Variants in UNC5D observed in about 807,000 individuals in gnomAD.
The protein encoded by UNC5D is unc-5 netrin receptor D, also known as netrin receptor UNC5D.
Under a neutral mutation model 105.4 loss-of-function variants are expected in UNC5D, and 39 were observed. The observed-to-expected ratio is 0.37, with a 90% CI of 0.29 to 0.48. The LOEUF (loss-of-function observed/expected upper bound fraction) is 0.48. Among genes scored for constraint, UNC5D ranks in the 20% least tolerant of loss-of-function variants. The pLI is 0.98. For synonymous variants in UNC5D, 452 were observed against 450.4 expected (o/e 1.00, Z -0.04); for missense variants, 991 against 1,202.4 (o/e 0.82, Z 2.60).
intron 4 of UNC5D, among the ~76,000 whole-genome samples, chr8:35,665,626 G>A (rs73674069): frequency 1.6e-3 from 240 of 150,344 alleles, no homozygotes; most frequent in African/African-American, 5.6e-3. Flanking sequence ...ATGAGGTAGG[G>A]GAGAGAAGGT....
At position 35,673,799 on chromosome 8, in the gene UNC5D, C is replaced by A. The variant is rs190250999; in HGVS notation, c.571-9748C>A. 5.3e-5 allele frequency among the ~76,000 whole-genome samples: 8 copies of A among 152,278 alleles called. No homozygotes were observed. In the East Asian group the frequency reaches 9.7e-4, roughly 18 times the overall value. ...ATACCAGTCCCTTTTCTCAGAAAAG[C>A]AAATGCTTTCCTATAAGCTCTCCAG... On this transcript the variant is annotated intron_variant, in intron 4 of 16. Transcript: ENST00000404895.
intron 3 of UNC5D, among the ~76,000 whole-genome samples, chr8:35,572,289 A>AC (rs1554562964): frequency 1.3e-5 from 2 of 150,574 alleles, no homozygotes; most frequent in Non-Finnish European, 3.0e-5. Context: ...AAAAAAAAAA[A>AC]AAAAAAAAAA....
chr8:35,750,433 A>C, intron 12 of UNC5D, 149 bp from the exon 13 acceptor site: 1 of 794,500 alleles, frequency 1.3e-6, no homozygotes, highest in Non-Finnish European at 2.0e-6. Context: ...TTGATAGAAG[A>C]GGAACAGTTA....
At chr8:35,610,541 A>G (rs563092339) in intron 4 of UNC5D, among the ~76,000 whole-genome samples, 1 of 152,182 alleles carries the variant, frequency 6.6e-6, no homozygotes, top group African/African-American at 2.4e-5. Flanking sequence ...CTGGGACAGG[A>G]CATCACTCTG....
intron 16 of UNC5D, among the ~76,000 whole-genome samples, chr8:35,782,089 T>C (rs1397437411): frequency 1.3e-5 from 2 of 152,226 alleles, no homozygotes; most frequent in Non-Finnish European, 2.9e-5. Context: ...AGGAACTATA[T>C]AGTGCTCATC....
chr8:35,472,198 G>A (rs1372763931), intron 1 of UNC5D, among the ~76,000 whole-genome samples: 3 of 152,192 alleles, frequency 2.0e-5, no homozygotes, highest in Non-Finnish European at 4.4e-5. Flanking sequence ...TATTCCCATA[G>A]GTAGGAAAAC....
In UNC5D at chr8:35,725,422, A is replaced by G. The variant is rs142913734; in HGVS notation, c.1304-730A>G. 1.2e-4 allele frequency among the ~76,000 whole-genome samples: 18 copies of G among 152,266 alleles called. 1 individual carries two copies. The East Asian group carries it at 3.5e-3, about 29-fold the overall frequency. The stretch of plus-strand genomic sequence containing the variant: ...TCTCATGTTTTTGCAAAGATATTAT[A>G]TATACTTTTTCCCTTTGAGACAGAA... On this transcript the variant is annotated intron_variant, in intron 9 of 16. Transcript: ENST00000404895.
At chr8:35,569,222 C>T (rs1013622197) in intron 3 of UNC5D, among the ~76,000 whole-genome samples, 8 of 152,162 alleles carry the variant, frequency 5.3e-5, no homozygotes, top group Admixed American at 3.3e-4. Context: ...ATGTCTTCAG[C>T]CCTCCCACTT....
intron 1 of UNC5D, among the ~76,000 whole-genome samples, chr8:35,248,895 TATATA>T (rs1429321285): frequency 4.6e-4 from 42 of 90,492 alleles, no homozygotes; most frequent in African/African-American, 2.0e-3. Flanking sequence ...ATTATATAAA[TATATA>T]ATATATTATA....
intron 8 of UNC5D, among the ~76,000 whole-genome samples, chr8:35,716,176 C>T (rs1230178858): frequency 6.6e-6 from 1 of 152,258 alleles, no homozygotes; most frequent in Middle Eastern, 3.4e-3. Flanking sequence ...TGAAGACAGA[C>T]ATGTGTTCAA....
chr8:35,255,606 C>G (rs1289334102), intron 1 of UNC5D: 1 of 152,110 alleles, frequency 6.6e-6, no homozygotes, highest in African/African-American at 2.4e-5. Context: ...TTTGTCTCAG[C>G]ATCAGATCTT....
At chr8:35,389,470 T>C (rs1803634044) in intron 1 of UNC5D, among the ~76,000 whole-genome samples, 1 of 152,168 alleles carries the variant, frequency 6.6e-6, no homozygotes, top group African/African-American at 2.4e-5. Context: ...CATTCGTCTT[T>C]TGTTTGGAAA....
At position 35,796,130 on chromosome 8, in the gene UNC5D, G is replaced by A. The variant is rs1803242593; in HGVS notation, c.*5567G>A. The A allele has an allele frequency of 2.6e-5, 4 of 152,082 alleles. No homozygotes were observed. The highest frequency in any genetic ancestry group is 7.2e-5 in the African/African-American group (3 of 41,406). 9.4% of individuals were successfully genotyped at this position (152,082 alleles called of 1,614,324 possible). A position where few individuals can be genotyped will look rare whatever the true frequency, so the allele number is the denominator to read the frequency against. ...AAGCCAAAAAATAAAATAAAATAAA[G>A]CAGGGCTGAACACTTAATTTGACAT... On this transcript the variant is annotated 3_prime_UTR_variant, in exon 17 of 17. Transcript: ENST00000404895.
At chr8:35,645,264 C>T (rs1586325719) in intron 4 of UNC5D, among the ~76,000 whole-genome samples, 1 of 152,126 alleles carries the variant, frequency 6.6e-6, no homozygotes, top group Non-Finnish European at 1.5e-5. Flanking sequence ...AAATGGGTGA[C>T]AGATCCCTAA....
intron 1 of UNC5D, among the ~76,000 whole-genome samples, chr8:35,275,926 G>T (rs1233980316): frequency 6.6e-6 from 1 of 152,136 alleles, no homozygotes; most frequent in African/African-American, 2.4e-5. Flanking sequence ...AAGGGATTAG[G>T]GATGTATGGC....
In UNC5D at chr8:35,694,066, C is replaced by T. The variant is rs530727163; in HGVS notation, c.1084+7357C>T. Among the ~76,000 whole-genome samples the T allele has an allele frequency of 2.0e-5, 3 of 152,164 alleles. No homozygotes were observed. In the East Asian group the frequency reaches 5.8e-4, roughly 29 times the overall value. ...AGAAAACTAAACAAACACATAAGAA[C>T]GAGTCCCTGTGATGATGTAAACTGG... On this transcript the variant is annotated intron_variant, in intron 7 of 16. Transcript: ENST00000404895.
rs1803032874 is a variant in UNC5D at position 35,791,348 on chromosome 8, T to C, written c.*785T>C. ...TCTAACACAACAAAGTGGGACCATC[T>C]CTATTCCCATCTAAGCCACTCAAAT... On this transcript the variant is annotated 3_prime_UTR_variant, in exon 17 of 17. Transcript: ENST00000404895. The C allele has an allele frequency of 6.6e-6, 1 of 152,446 alleles. No homozygotes were observed. The highest frequency in any genetic ancestry group is 1.5e-5 in the Non-Finnish European group (1 of 68,234). 9.4% of individuals were successfully genotyped at this position (152,446 alleles called of 1,614,324 possible).
At chr8:35,447,144 A>T (rs542503568) in intron 1 of UNC5D, among the ~76,000 whole-genome samples, 1 of 152,186 alleles carries the variant, frequency 6.6e-6, no homozygotes, top group Admixed American at 6.6e-5. Context: ...TCAAGTTTTC[A>T]TGGTGGCACA....
intron 1 of UNC5D, among the ~76,000 whole-genome samples, chr8:35,404,906 G>A (rs1347119238): frequency 6.6e-6 from 1 of 152,056 alleles, no homozygotes; most frequent in Non-Finnish European, 1.5e-5. Flanking sequence ...TGATTCTTAT[G>A]TACATTCAAG....
Sources: allele counts gnomAD v4.1 joint callset (sites outside exome capture counted in the v4.1 genomes callset), GRCh38; gene constraint gnomAD v4.1.1; transcripts MANE v1.5; gene names NCBI Gene and HGNC (gene_info 2026-07-23, HGNC 2026-07-21).